SIPA1L3: variants seen among roughly 807,000 people sequenced by gnomAD.
SIPA1L3 encodes signal induced proliferation associated 1 like 3.
In SIPA1L3, 59 loss-of-function variants were observed where a neutral mutation model predicts 150.1. The observed-to-expected ratio is 0.39, with a 90% CI of 0.32 to 0.49. The LOEUF is 0.49. Among genes scored for constraint, SIPA1L3 ranks in the 20% least tolerant of loss-of-function variants. The pLI is 0.86. For missense variants in SIPA1L3, 2,211 were observed against 2,489.5 expected, an observed-to-expected ratio of 0.89 and a Z score of 2.38; for synonymous variants, 1,070 against 1,077.6, an observed-to-expected ratio of 0.99 and a Z score of 0.14.
intron 1 of SIPA1L3, among the ~76,000 whole-genome samples, chr19:37,909,445 G>C (rs1339396833): frequency 6.6e-6 from 1 of 152,060 alleles, no homozygotes; most frequent in Non-Finnish European, 1.5e-5. Flanking sequence ...CTGACCTCAG[G>C]TGATCTACCC....
At chr19:37,911,715 G>A (rs1034792001) in intron 1 of SIPA1L3, among the ~76,000 whole-genome samples, 1 of 151,528 alleles carries the variant, frequency 6.6e-6, no homozygotes, top group African/African-American at 2.4e-5. Context: ...GTTTCACCGT[G>A]GTCTCGATCT....
intron 2 of SIPA1L3, among the ~76,000 whole-genome samples, chr19:38,052,798 C>T (rs754825240): frequency 3.3e-5 from 5 of 152,206 alleles, no homozygotes; most frequent in Non-Finnish European, 2.9e-5. Flanking sequence ...TACATGGTTC[C>T]GAGTTCCTCC....
At chr19:38,156,580 T>A (rs1324109526) in intron 13 of SIPA1L3, among the ~76,000 whole-genome samples, 1 of 150,708 alleles carries the variant, frequency 6.6e-6, no homozygotes, top group Non-Finnish European at 1.5e-5. Context: ...ATCCCAGCAC[T>A]TTGGGAGGCC....
At chr19:38,111,882 C>T (rs1156670935) in intron 8 of SIPA1L3, among the ~76,000 whole-genome samples, 5 of 152,138 alleles carry the variant, frequency 3.3e-5, no homozygotes, top group Admixed American at 1.3e-4. Flanking sequence ...CACACGCACA[C>T]GTGCACAGGC....
chr19:38,204,658 A>G (rs1042614784), intron 21 of SIPA1L3, among the ~76,000 whole-genome samples: 6 of 152,070 alleles, frequency 3.9e-5, no homozygotes, highest in African/African-American at 1.4e-4. Context: ...CCAGGTACTC[A>G]GGATGCTGAG....
chr19:37,977,457 A>C (rs1009752731), intron 1 of SIPA1L3, among the ~76,000 whole-genome samples: 2 of 152,222 alleles, frequency 1.3e-5, no homozygotes, highest in African/African-American at 4.8e-5. Context: ...GGCATGGGCC[A>C]CTTCACCCGG....
At chr19:38,096,553 C>A (rs1970384056) in intron 4 of SIPA1L3, among the ~76,000 whole-genome samples, 1 of 151,952 alleles carries the variant, frequency 6.6e-6, no homozygotes, top group African/African-American at 2.4e-5. Context: ...CTGGCCTCCT[C>A]CTTAGTCTTT....
At position 38,082,134 on chromosome 19, in the gene SIPA1L3, C is replaced by G. The variant is rs148341699; in HGVS notation, c.569C>G (p.Ala190Gly). 172 of 1,606,202 alleles carry G rather than the reference C, an allele frequency of 1.1e-4. No individual in the cohort carries two copies. The African/African-American group carries it at 2.0e-3, about 18-fold the overall frequency. ...GAGGACGCGGGGGAGCCGCGGGGGG[C>G]CCGGCACACGGGGGCGCTGCCCCTC... ...DAEDAGEPRG[A>G]RHTGALPLFR... The change falls in exon 3 of 22, where the codon GCC becomes GGC. Residue 190 changes from alanine to glycine, a missense_variant. Physicochemically the swap from Ala to Gly is moderately conservative, Grantham distance 60. Transcript: ENST00000222345.
intron 1 of SIPA1L3, among the ~76,000 whole-genome samples, chr19:38,028,314 CT>C (rs907656916): frequency 4.6e-5 from 7 of 152,202 alleles, no homozygotes; most frequent in East Asian, 1.9e-4. Flanking sequence ...TCTGTCCCCC[CT>C]GCCACCGCTT....
In SIPA1L3 at chr19:38,106,533, T is replaced by C. The variant is rs1320680070; in HGVS notation, c.2030-4T>C. 1 of 1,607,090 alleles carries C rather than the reference T, an allele frequency of 6.2e-7. No individual in the cohort carries two copies. The highest frequency in any genetic ancestry group is 8.5e-7 in the Non-Finnish European group (1 of 1,173,750). On this transcript the variant is annotated splice_region_variant and splice_polypyrimidine_tract_variant and intron_variant, in intron 6 of 21. Transcript: ENST00000222345. ...CATGGTCCTAACTGGCATTTCTGTT[T>C]CAGCCGACTCCACGGGAACCCACTC...
At chr19:38,036,286 A>G (rs1373897027) in intron 2 of SIPA1L3, among the ~76,000 whole-genome samples, 8 of 152,248 alleles carry the variant, frequency 5.3e-5, no homozygotes, top group Non-Finnish European at 1.2e-4. Context: ...GTCAGCCCGA[A>G]TTAGCCCAGA....
intron 1 of SIPA1L3, among the ~76,000 whole-genome samples, chr19:37,937,285 C>T (rs1009301715): frequency 3.1e-4 from 47 of 152,250 alleles, no homozygotes; most frequent in African/African-American, 1.0e-3. Flanking sequence ...AATGAACAGC[C>T]GTTAGCCCAC....
intron 12 of SIPA1L3, among the ~76,000 whole-genome samples, chr19:38,149,155 C>G (rs530367201): frequency 4.5e-4 from 69 of 152,264 alleles, no homozygotes; most frequent in African/African-American, 1.6e-3. Context: ...CTTTGGGAGG[C>G]CGAGGTGGGC....
intron 13 of SIPA1L3, among the ~76,000 whole-genome samples, chr19:38,157,845 C>A (rs968820104): frequency 6.6e-6 from 1 of 152,164 alleles, no homozygotes; most frequent in African/African-American, 2.4e-5. Context: ...GTGAGCCAGG[C>A]AGGCATGTTT....
chr19:37,928,551 C>T (rs117254736), intron 1 of SIPA1L3, among the ~76,000 whole-genome samples: 5,779 of 151,976 alleles, frequency 0.038, 148 homozygotes, highest in Non-Finnish European at 0.052. Context: ...CTCCAGCCTG[C>T]GCAACAGAAT....
In SIPA1L3 at chr19:38,164,493, C is replaced by T. The variant is rs764550304; in HGVS notation, c.3795C>T (p.Tyr1265=). The change falls in exon 15 of 22, where the codon TAC becomes TAT. Residue 1265 remains tyrosine (Y), a synonymous_variant. Transcript: ENST00000222345. The surrounding 1 kb of genome is among the most constrained non-coding windows in gnomAD (Gnocchi z 4.1). The stretch of plus-strand genomic sequence containing the variant: ...TTGCCTCTCAGGGAGAACCTCAATA[C>T]TCAAGTCATTCCAGCAGCAACACCC... ...PNRHSKGEPQ[Y]SSHSSSNTLS... 2.5e-6 allele frequency: 4 copies of T among 1,610,514 alleles called. No homozygotes were observed. Among genetic ancestry groups the T allele is most frequent in the East Asian group, 2.2e-5 (1 of 44,786 alleles).
At chr19:38,003,376 G>T (rs1156710419) in intron 1 of SIPA1L3, among the ~76,000 whole-genome samples, 1 of 152,174 alleles carries the variant, frequency 6.6e-6, no homozygotes, top group Non-Finnish European at 1.5e-5. Context: ...ATTCACAGAG[G>T]CTCCCCAAGG....
chr19:37,990,724 C>T (rs1967482511), intron 1 of SIPA1L3, among the ~76,000 whole-genome samples: 1 of 152,172 alleles, frequency 6.6e-6, no homozygotes, highest in African/African-American at 2.4e-5. Context: ...TCTCAGAGGC[C>T]CAGCAGACAT....
chr19:38,128,956 C>G (rs892792824), intron 9 of SIPA1L3, among the ~76,000 whole-genome samples: 2 of 152,128 alleles, frequency 1.3e-5, no homozygotes, highest in African/African-American at 2.4e-5. Flanking sequence ...AAGCGGGCAT[C>G]CTGATAGGTA....
Sources: gnomAD v4.1 joint callset for allele counts (sites outside exome capture counted in the v4.1 genomes callset) on GRCh38, gnomAD v4.1.1 for gene constraint, Gnocchi (gnomAD v3.1) non-coding constraint, MANE v1.5 for transcripts, NCBI Gene and HGNC (gene_info 2026-07-23, HGNC 2026-07-21) for gene names.